Variants in ZSWIM5 observed in about 807,000 individuals in gnomAD.
ZSWIM5 encodes the protein zinc finger SWIM-type containing 5.
In ZSWIM5, 55 loss-of-function variants were observed where a neutral mutation model predicts 119.6. That is an observed-to-expected ratio of 0.46 (90% CI 0.37 to 0.58). The LOEUF is 0.58. ZSWIM5 is among the 20% of genes least tolerant of loss of function. The probability of loss-of-function intolerance (pLI) is 0.00; values close to 1 mark genes in which losing one functional copy is unlikely to be tolerated. For missense variants in ZSWIM5, 1,193 were observed against 1,512.8 expected (o/e 0.79, Z 3.51); for synonymous variants, 537 against 606.9 (o/e 0.88, Z 1.69).
chr1:45,073,834 G>T (rs1164848932), intron 2 of ZSWIM5, among the ~76,000 whole-genome samples: 1 of 151,768 alleles, frequency 6.6e-6, no homozygotes, highest in Non-Finnish European at 1.5e-5. Flanking sequence ...AAGGTTTTCA[G>T]TTTTTCCCCA....
chr1:45,101,311 T>A (rs1043166689), intron 1 of ZSWIM5, among the ~76,000 whole-genome samples: 2 of 152,166 alleles, frequency 1.3e-5, no homozygotes, highest in Non-Finnish European at 2.9e-5. Flanking sequence ...TCACTGGTCA[T>A]CAGAGAAATG....
At chr1:45,034,807 T>A (rs558604580) in intron 10 of ZSWIM5, among the ~76,000 whole-genome samples, 15 of 152,256 alleles carry the variant, frequency 9.9e-5, no homozygotes, top group African/African-American at 3.4e-4. Context: ...TTTGAGACAG[T>A]GTCTCTCTCT....
At chr1:45,055,690 A>G (rs911017378) in intron 4 of ZSWIM5, among the ~76,000 whole-genome samples, 31 of 152,210 alleles carry the variant, frequency 2.0e-4, no homozygotes, top group African/African-American at 7.5e-4. Context: ...GAGAACGTAA[A>G]CAGGAAAGTG....
At chr1:45,109,873 C>A (rs1441913849) in intron 1 of ZSWIM5, among the ~76,000 whole-genome samples, 4 of 152,000 alleles carry the variant, frequency 2.6e-5, no homozygotes, top group African/African-American at 9.7e-5. Context: ...CTATATTTTT[C>A]CTTTTTTTTT....
At chr1:45,185,251 A>G (rs1646049990) in intron 1 of ZSWIM5, among the ~76,000 whole-genome samples, 1 of 150,820 alleles carries the variant, frequency 6.6e-6, no homozygotes, top group African/African-American at 2.4e-5. Flanking sequence ...AAATTAATTC[A>G]AGATGGATTA....
intron 1 of ZSWIM5, among the ~76,000 whole-genome samples, chr1:45,118,380 CTTTAA>C (rs1645571418): frequency 2.0e-5 from 3 of 152,278 alleles, no homozygotes; most frequent in South Asian, 2.1e-4. Context: ...GTGAGGAATA[CTTTAA>C]TTTAATCACT....
In ZSWIM5 at chr1:45,038,797, T is replaced by A. The variant is rs953969888; in HGVS notation, c.1894+139A>T. ...ATTTTGTAGAGACAGGGTTTTGCCA[T>A]GTTGCCCAGGCTGGTCTTGAACTCT... is the stretch of plus-strand genomic sequence containing the variant. On this transcript the variant is annotated intron_variant, in intron 8 of 13. Transcript: ENST00000359600. 5 of 984,334 alleles carry A rather than the reference T, an allele frequency of 5.1e-6. No individual in the cohort carries two copies. The African/African-American group carries it at 8.6e-5, about 17-fold the overall frequency. 61.0% of individuals were successfully genotyped at this position (984,334 alleles called of 1,614,324 possible).
chr1:45,146,383 C>T (rs1370981159), intron 1 of ZSWIM5, among the ~76,000 whole-genome samples: 1 of 118,020 alleles, frequency 8.5e-6, no homozygotes, highest in African/African-American at 3.3e-5. Context: ...AAAAACTTAA[C>T]TGATTTGAAA....
chr1:45,051,131 C>T lies in ZSWIM5; in HGVS notation c.1375G>A (p.Gly459Arg). The change falls in exon 5 of 14, where the codon GGA becomes AGA. Residue 459 changes from glycine to arginine, a missense_variant. Coordinates refer to ENST00000359600, the MANE Select transcript of ZSWIM5 (RefSeq NM_020883.2). Reference sequence around the variant, plus strand: ...TTGGTGATGTTGGGCAGCTCATGTCCATAGTTTCCATCCTCCAGGGGACAG... The same window carrying T: ...TTGGTGATGTTGGGCAGCTCATGTCTATAGTTTCCATCCTCCAGGGGACAG... ...DVCPLEDGNY[G>R]HELPNITNAL... 6.2e-7 allele frequency: 1 copy of T among 1,614,166 alleles called. No individual in the cohort carries two copies. Among genetic ancestry groups the T allele is most frequent in the Non-Finnish European group, 8.5e-7 (1 of 1,180,030 alleles).
At chr1:45,039,956 C>T (rs1045556665) in intron 7 of ZSWIM5, among the ~76,000 whole-genome samples, 2 of 152,046 alleles carry the variant, frequency 1.3e-5, no homozygotes, top group South Asian at 2.1e-4. Flanking sequence ...TTGCCTGCCT[C>T]GGCCTCCCAA....
intron 11 of ZSWIM5, among the ~76,000 whole-genome samples, chr1:45,031,614 C>T (rs1483953072): frequency 2.0e-5 from 3 of 151,768 alleles, no homozygotes; most frequent in East Asian, 1.9e-4. Context: ...CTGAGGTGGG[C>T]GGATCACGAG....
At chr1:45,089,811 C>T (rs547482479) in intron 1 of ZSWIM5, among the ~76,000 whole-genome samples, 1 of 151,428 alleles carries the variant, frequency 6.6e-6, no homozygotes, top group Admixed American at 6.6e-5. Context: ...TGTCTCTACA[C>T]AAAATAAAAA....
At chr1:45,115,316 G>A (rs933333846) in intron 1 of ZSWIM5, among the ~76,000 whole-genome samples, 3 of 151,572 alleles carry the variant, frequency 2.0e-5, no homozygotes, top group Non-Finnish European at 4.4e-5. Flanking sequence ...GGCTGGCCGG[G>A]TGGAGACGCT....
chr1:45,168,187 A>G (rs990672439), intron 1 of ZSWIM5, among the ~76,000 whole-genome samples: 6 of 152,074 alleles, frequency 3.9e-5, no homozygotes, highest in Admixed American at 3.9e-4. Context: ...ACATGGATGA[A>G]GCTGGAAACC....
intron 2 of ZSWIM5, among the ~76,000 whole-genome samples, chr1:45,079,646 A>G (rs544494741): frequency 2.6e-5 from 4 of 152,248 alleles, no homozygotes; most frequent in Admixed American, 2.6e-4. Context: ...GTGCAAGACA[A>G]AGTCCCCTTT....
intron 11 of ZSWIM5, among the ~76,000 whole-genome samples, chr1:45,033,202 A>G (rs1455168460): frequency 2.0e-5 from 3 of 152,192 alleles, no homozygotes; most frequent in African/African-American, 7.2e-5. Flanking sequence ...CTAATGTGAT[A>G]CCAGGTATTT....
At chr1:45,105,719 G>C (rs542756250) in intron 1 of ZSWIM5, among the ~76,000 whole-genome samples, 7 of 140,640 alleles carry the variant, frequency 5.0e-5, no homozygotes, top group African/African-American at 1.6e-4. Flanking sequence ...TGCCCCCGTC[G>C]GGGAAGTGAG....
At chr1:45,136,404 T>C (rs346687) in intron 1 of ZSWIM5, among the ~76,000 whole-genome samples, 50,594 of 152,000 alleles carry the variant, frequency 0.33, 9,636 homozygotes, top group African/African-American at 0.53. Context: ...AGCCACCGCA[T>C]CCGGCCCATT....
At chr1:45,021,740 T>C (rs1644888865) in intron 11 of ZSWIM5, among the ~76,000 whole-genome samples, 1 of 152,124 alleles carries the variant, frequency 6.6e-6, no homozygotes, top group African/African-American at 2.4e-5. Flanking sequence ...CAACTTCAGG[T>C]TGGGCGCAGT....
Sources: gnomAD v4.1 joint callset for allele counts (sites outside exome capture counted in the v4.1 genomes callset) on GRCh38, gnomAD v4.1.1 for gene constraint, MANE v1.5 for transcripts, NCBI Gene and HGNC (gene_info 2026-07-23, HGNC 2026-07-21) for gene names.